The following EXT2 variants were observed in gnomAD, a reference collection of about 807,000 sequenced individuals.
The protein encoded by EXT2 is exostosin glycosyltransferase 2.
In EXT2, 53 loss-of-function variants were observed where a neutral mutation model predicts 81.6. The ratio of observed to expected loss-of-function variants is 0.65; its 90% CI spans 0.52 to 0.82. The LOEUF (loss-of-function observed/expected upper bound fraction) is 0.82. Among genes scored for constraint, EXT2 ranks in the 40% least tolerant of loss-of-function variants. The pLI is 0.00. For synonymous variants in EXT2, 320 were observed against 340.0 expected, an observed-to-expected ratio of 0.94 and a Z score of 0.65; for missense variants, 774 against 910.2, an observed-to-expected ratio of 0.85 and a Z score of 1.93.
chr11:44,212,466 T>C (rs1027583766), intron 10 of EXT2, among the ~76,000 whole-genome samples: 1 of 152,050 alleles, frequency 6.6e-6, no homozygotes, highest in African/African-American at 2.4e-5. Flanking sequence ...CTAGAATGGC[T>C]ATAAGTAAAA....
chr11:44,229,063 G>A (rs1955869279), intron 10 of EXT2, among the ~76,000 whole-genome samples: 1 of 152,050 alleles, frequency 6.6e-6, no homozygotes, highest in African/African-American at 2.4e-5. Flanking sequence ...GGCATCCCTG[G>A]TGTTTAGTTA....
Position 44,244,460 on chromosome 11 carries a change from CCA to C in EXT2, c.*174_*175del, listed in dbSNP as rs988139543. On this transcript the variant is annotated 3_prime_UTR_variant, in exon 14 of 14. Transcript: ENST00000533608. ...AAGAACAAGAACCTAGAATGAATAT[CCA>C]AGCACCTCGAGCTATGCAACCTCTG... 1 of 648,838 alleles carries C rather than the reference CCA, an allele frequency of 1.5e-6. No individual in the cohort carries two copies. The highest frequency in any genetic ancestry group is 2.7e-6 in the Non-Finnish European group (1 of 368,140). The allele number at this position is 648,838 out of a possible 1,614,324, so 40.2% of individuals were successfully genotyped here. A position where few individuals can be genotyped will look rare whatever the true frequency, so the allele number is the denominator to read the frequency against.
chr11:44,148,256 T>C lies in EXT2; in HGVS notation c.1173+18118T>C, dbSNP rs114599063. Among the ~76,000 whole-genome samples the C allele has an allele frequency of 1.7e-3, 258 of 152,262 alleles. 1 individual carries two copies. The highest frequency in any genetic ancestry group is 5.9e-3 in the African/African-American group (243 of 41,532). Reference sequence around the variant, plus strand: ...AAATGTTGTTGAGGAAACTTCTTGGTTATTGTTATTCTAAGGAGGGTCTTC... The same window carrying C: ...AAATGTTGTTGAGGAAACTTCTTGGCTATTGTTATTCTAAGGAGGGTCTTC... On this transcript the variant is annotated intron_variant, in intron 7 of 13. Transcript: ENST00000533608.
intron 7 of EXT2, among the ~76,000 whole-genome samples, chr11:44,167,880 T>C (rs1457894806): frequency 6.6e-6 from 1 of 152,112 alleles, no homozygotes; most frequent in East Asian, 1.9e-4. Context: ...TAGTTACATA[T>C]GTATACGTGT....
intron 2 of EXT2, 38 bp from the exon 3 acceptor site, chr11:44,109,156 G>T: frequency 6.2e-7 from 1 of 1,601,922 alleles, no homozygotes; most frequent in South Asian, 1.1e-5. Context: ...TTTCATAGTT[G>T]ACACATTAAT....
At chr11:44,172,568 C>T (rs1296200352) in intron 8 of EXT2, among the ~76,000 whole-genome samples, 1 of 148,398 alleles carries the variant, frequency 6.7e-6, no homozygotes, top group Non-Finnish European at 1.5e-5. Flanking sequence ...TCCTTGTCTC[C>T]TGATTCTACC....
intron 10 of EXT2, among the ~76,000 whole-genome samples, chr11:44,231,558 A>C (rs1332914764): frequency 6.6e-6 from 1 of 152,218 alleles, no homozygotes; most frequent in Non-Finnish European, 1.5e-5. Context: ...AGTTTGAAGA[A>C]GAGAATAGAG....
intron 7 of EXT2, among the ~76,000 whole-genome samples, chr11:44,168,376 C>T (rs1955024642): frequency 6.6e-6 from 1 of 152,056 alleles, no homozygotes; most frequent in Non-Finnish European, 1.5e-5. Context: ...ATATATTTCA[C>T]ATATATTTAT....
At chr11:44,243,357 G>A (rs1956058732) in intron 13 of EXT2, among the ~76,000 whole-genome samples, 1 of 152,178 alleles carries the variant, frequency 6.6e-6, no homozygotes, top group African/African-American at 2.4e-5. Context: ...TGACTTTGGG[G>A]GTGAGGTGGA....
chr11:44,115,015 C>A (rs936812780), intron 4 of EXT2, among the ~76,000 whole-genome samples: 2 of 152,108 alleles, frequency 1.3e-5, no homozygotes, highest in Non-Finnish European at 2.9e-5. Context: ...TTGAAACCAC[C>A]TTCTGGGATG....
intron 10 of EXT2, among the ~76,000 whole-genome samples, chr11:44,224,234 A>T (rs1447360057): frequency 2.0e-5 from 3 of 152,116 alleles, no homozygotes; most frequent in Admixed American, 2.0e-4. Flanking sequence ...AGAACACTCA[A>T]ATCTCTCCGT....
In EXT2 at chr11:44,108,175, C is replaced by T. The variant is rs772319735; in HGVS notation, c.463C>T (p.Pro155Ser). 5 of 1,613,946 alleles carry T rather than the reference C, an allele frequency of 3.1e-6. No individual in the cohort carries two copies. The highest frequency in any genetic ancestry group is 8.5e-7 in the Non-Finnish European group (1 of 1,180,026). ...DDINRACLFVPSIDVLNQNTL... is the reference protein window; with the variant it reads ...DDINRACLFVSSIDVLNQNTL... ...CATCAACCGGGCCTGTCTGTTTGTT[C>T]CCTCCATCGATGTGCTTAACCAGAA... The change falls in exon 2 of 14, where the codon CCC (proline) becomes TCC (serine). Residue 155 changes from proline to serine, a missense_variant. Physicochemically the swap from Pro to Ser is moderately conservative, Grantham distance 74 (BLOSUM62 -1). This residue lies in a region of EXT2 where 626 missense variants were observed against 670.5 expected (regional missense o/e 0.93). Coordinates refer to ENST00000533608, the MANE Select transcript of EXT2 (RefSeq NM_207122.2).
At chr11:44,223,645 G>A (rs905461803) in intron 10 of EXT2, among the ~76,000 whole-genome samples, 17 of 150,886 alleles carry the variant, frequency 1.1e-4, no homozygotes, top group Non-Finnish European at 1.5e-4. Flanking sequence ...GGAGACAGTT[G>A]TGTGTCTTTT....
At chr11:44,175,255 T>G (rs1955142343) in intron 8 of EXT2, among the ~76,000 whole-genome samples, 3 of 152,190 alleles carry the variant, frequency 2.0e-5, no homozygotes, top group African/African-American at 4.8e-5. Flanking sequence ...GACTGAGGTA[T>G]ACTGTACGGT....
At position 44,251,829 on chromosome 11, in the gene EXT2, C is replaced by T. The variant is rs1270771127; in HGVS notation, c.*7542C>T. ...CAGTTATTGTGTGCCAGATACTGTTCTTGGTGTGAGGATATGGCACTGAAC... is the reference window on the plus strand; with the variant it reads ...CAGTTATTGTGTGCCAGATACTGTTTTTGGTGTGAGGATATGGCACTGAAC... On this transcript the variant is annotated 3_prime_UTR_variant, in exon 14 of 14. Coordinates refer to ENST00000533608, the MANE Select transcript of EXT2 (RefSeq NM_207122.2). 6.6e-6 allele frequency among the ~76,000 whole-genome samples: 1 copy of T among 152,162 alleles called. No homozygotes were observed. The highest frequency in any genetic ancestry group is 2.4e-5 in the African/African-American group (1 of 41,424).
chr11:44,251,279 T>C lies in EXT2; in HGVS notation c.*6992T>C, dbSNP rs899718130. Among the ~76,000 whole-genome samples the C allele has an allele frequency of 3.9e-5, 6 of 152,134 alleles. No homozygotes were observed. In the South Asian group the frequency reaches 1.2e-3, roughly 32 times the overall value. On this transcript the variant is annotated 3_prime_UTR_variant, in exon 14 of 14. Coordinates refer to ENST00000533608, the MANE Select transcript of EXT2 (RefSeq NM_207122.2). ...ATGATGAATATCCATTAATAAGAGA[T>C]TGATGCTCTTTCAACTCTCATGTCA...
At position 44,124,824 on chromosome 11, in the gene EXT2, G is replaced by T. The variant is rs201895861; in HGVS notation, c.779G>T (p.Gly260Val). The T allele has an allele frequency of 1.2e-6, 2 of 1,614,030 alleles. No homozygotes were observed. Among genetic ancestry groups the T allele is most frequent in the Admixed American group, 3.3e-5 (2 of 60,016 alleles). ...RQYFLLSSQV[G>V]LHPEYREDLE... ...TACTTCCTCCTGTCATCTCAGGTGG[G>T]TCTCCATCCTGAGTACAGAGAGGAC... Residue 260 changes from glycine to valine, a missense_variant, in exon 5 of 14, where the codon GGT (glycine) becomes GTT (valine). Coordinates refer to ENST00000533608, the MANE Select transcript of EXT2 (RefSeq NM_207122.2).
intron 7 of EXT2, among the ~76,000 whole-genome samples, chr11:44,150,951 A>G (rs772535012): frequency 6.6e-6 from 1 of 152,234 alleles, no homozygotes; most frequent in African/African-American, 2.4e-5. Context: ...CCGTAGAATT[A>G]CAATGGGGCA....
chr11:44,151,266 A>T (rs180890784), intron 7 of EXT2, among the ~76,000 whole-genome samples: 1 of 152,294 alleles, frequency 6.6e-6, no homozygotes, highest in East Asian at 1.9e-4. Context: ...CATAATTTAC[A>T]TTAGGGTTCA....
Sources: gnomAD v4.1 joint callset for allele counts (sites outside exome capture counted in the v4.1 genomes callset) on GRCh38, gnomAD v4.1.1 for gene constraint, gnomAD v4.1.1 regional missense constraint, MANE v1.5 for transcripts, NCBI Gene and HGNC (gene_info 2026-07-23, HGNC 2026-07-21) for gene names.